THSD4: variants seen among roughly 807,000 people sequenced by gnomAD.
The protein encoded by THSD4 is thrombospondin type 1 domain containing 4.
A neutral mutation model predicts 119.0 loss-of-function variants in THSD4; 69 were observed. The observed-to-expected ratio is 0.58, with a 90% confidence interval of 0.48 to 0.71. The LOEUF (loss-of-function observed/expected upper bound fraction) is 0.71. Ranked by LOEUF, THSD4 falls within the 30% of genes least tolerant of loss-of-function variation. The probability of loss-of-function intolerance (pLI) is 0.00; values close to 1 mark genes in which losing one functional copy is unlikely to be tolerated. For synonymous variants in THSD4, 524 were observed against 540.4 expected (o/e 0.97, Z 0.42); for missense variants, 1,393 against 1,391.1 (o/e 1.00, Z -0.02).
chr15:71,671,750 C>CCACTTCTT (rs2051533978), intron 8 of THSD4, among the ~76,000 whole-genome samples: 1 of 152,176 alleles, frequency 6.6e-6, no homozygotes, highest in African/African-American at 2.4e-5. Context: ...AATCCTTTCC[C>CCACTTCTT]CACTTCTTGT....
At chr15:71,738,090 CT>C (rs2053158398) in intron 11 of THSD4, 83 bp downstream of exon 11, 14 of 1,531,642 alleles carry the variant, frequency 9.1e-6, no homozygotes, top group Admixed American at 4.1e-5. Flanking sequence ...CGGTCCCCGG[CT>C]TTTTTGGCAC....
intron 7 of THSD4, among the ~76,000 whole-genome samples, chr15:71,539,886 C>T (rs565643287): frequency 8.5e-5 from 13 of 152,124 alleles, no homozygotes; most frequent in Admixed American, 5.9e-4. Context: ...GGAGGGCTCA[C>T]TCTGTATTGA....
Position 71,577,224 on chromosome 15 carries a change from G to A in THSD4, c.1153-83306G>A, listed in dbSNP as rs545000782. Among the ~76,000 whole-genome samples, 8 of 152,238 alleles carry A rather than the reference G, an allele frequency of 5.3e-5. No homozygotes were observed. In the East Asian group the frequency reaches 1.5e-3, roughly 29 times the overall value. On this transcript the variant is annotated intron_variant, in intron 7 of 17. Transcript: ENST00000261862. ...TTTTGTATGTTGTTTTAAATCTCTT[G>A]CAGTTTCTCTCGATCAGTGCCAGGA...
At chr15:71,626,238 C>T (rs891669778) in intron 7 of THSD4, among the ~76,000 whole-genome samples, 5 of 152,190 alleles carry the variant, frequency 3.3e-5, no homozygotes, top group African/African-American at 7.2e-5. Flanking sequence ...GGATTTTATT[C>T]GGTTTTCTAA....
chr15:71,100,533 G>A (rs1351956159), intron 1 of THSD4, among the ~76,000 whole-genome samples: 2 of 152,182 alleles, frequency 1.3e-5, no homozygotes, highest in Non-Finnish European at 2.9e-5. Context: ...CCCTGGGGCA[G>A]AGGACCTAGT....
chr15:71,477,192 G>A (rs2047666343), intron 7 of THSD4, among the ~76,000 whole-genome samples: 1 of 152,208 alleles, frequency 6.6e-6, no homozygotes, highest in South Asian at 2.1e-4. Flanking sequence ...CTTCAGACGT[G>A]CACGGAGCCA....
chr15:71,116,942 T>C (rs1342007700), intron 1 of THSD4, among the ~76,000 whole-genome samples: 2 of 152,106 alleles, frequency 1.3e-5, no homozygotes, highest in Non-Finnish European at 2.9e-5. Context: ...AGATTTTTGT[T>C]GGCATCATAG....
At chr15:71,388,924 C>G (rs966464767) in intron 6 of THSD4, among the ~76,000 whole-genome samples, 2 of 151,926 alleles carry the variant, frequency 1.3e-5, no homozygotes, top group African/African-American at 4.8e-5. Context: ...GGGGGTGGTT[C>G]CCCCATACTG....
At chr15:71,652,625 C>T (rs567173097) in intron 7 of THSD4, among the ~76,000 whole-genome samples, 19 of 152,264 alleles carry the variant, frequency 1.2e-4, no homozygotes, top group African/African-American at 4.6e-4. Context: ...GATATGTTTA[C>T]CTCTCGGGAC....
intron 7 of THSD4, among the ~76,000 whole-genome samples, chr15:71,446,624 A>T (rs2047185110): frequency 6.6e-6 from 1 of 152,198 alleles, no homozygotes; most frequent in Non-Finnish European, 1.5e-5. Context: ...AGGCTTAAAC[A>T]CTAAGAGTTT....
chr15:71,652,687 A>G (rs1281451738), intron 7 of THSD4, among the ~76,000 whole-genome samples: 1 of 152,136 alleles, frequency 6.6e-6, no homozygotes, highest in Non-Finnish European at 1.5e-5. Flanking sequence ...ACCCAGTTTT[A>G]TCCTACAAGA....
chr15:71,340,087 T>A (rs2045545059), intron 6 of THSD4, among the ~76,000 whole-genome samples: 1 of 152,180 alleles, frequency 6.6e-6, no homozygotes, highest in Non-Finnish European at 1.5e-5. Flanking sequence ...TTCTTGATGT[T>A]GATCCGAATT....
intron 7 of THSD4, among the ~76,000 whole-genome samples, chr15:71,466,377 G>C (rs1483501839): frequency 1.3e-5 from 2 of 151,214 alleles, no homozygotes; most frequent in Non-Finnish European, 2.9e-5. Flanking sequence ...GAGGCCCCAG[G>C]AGAAGCTGTA....
chr15:71,471,091 G>T (rs1291758833), intron 7 of THSD4, among the ~76,000 whole-genome samples: 2 of 152,278 alleles, frequency 1.3e-5, no homozygotes, highest in Admixed American at 1.3e-4. Context: ...TAACCCCTTG[G>T]CCTTGATGCC....
chr15:71,545,022 G>C (rs1004784243), intron 7 of THSD4, among the ~76,000 whole-genome samples: 14 of 152,172 alleles, frequency 9.2e-5, no homozygotes, highest in Non-Finnish European at 1.9e-4. Flanking sequence ...GAAATGGAGA[G>C]GTAGTGTTCA....
At chr15:71,338,669 C>T (rs2045520105) in intron 6 of THSD4, among the ~76,000 whole-genome samples, 2 of 152,058 alleles carry the variant, frequency 1.3e-5, no homozygotes, top group Admixed American at 1.3e-4. Flanking sequence ...GTTGTTTGGG[C>T]TTGGTTAATC....
intron 7 of THSD4, among the ~76,000 whole-genome samples, chr15:71,440,227 T>C (rs2047071542): frequency 6.6e-6 from 1 of 152,182 alleles, no homozygotes; most frequent in African/African-American, 2.4e-5. Context: ...TTCCAAATAC[T>C]AATCTCATTT....
At chr15:71,167,002 T>G (rs192800419) in intron 3 of THSD4, 8 of 152,312 alleles carry the variant, frequency 5.3e-5, no homozygotes, top group Non-Finnish European at 1.0e-4. Flanking sequence ...TAAACGTGTA[T>G]TTATTATCTT....
At chr15:71,616,229 G>T (rs1292010289) in intron 7 of THSD4, among the ~76,000 whole-genome samples, 2 of 152,030 alleles carry the variant, frequency 1.3e-5, no homozygotes, top group Admixed American at 6.6e-5. Context: ...ACCTAAAAAT[G>T]GTCAGAAAAT....
Sources: allele counts gnomAD v4.1 joint callset (sites outside exome capture counted in the v4.1 genomes callset), GRCh38; gene constraint gnomAD v4.1.1; transcripts MANE v1.5; gene names NCBI Gene and HGNC (gene_info 2026-07-23, HGNC 2026-07-21).